Variants in TRABD2B observed in about 807,000 individuals in gnomAD.
TRABD2B encodes TraB domain containing 2B, also known as metalloprotease TIKI2.
In TRABD2B, 14 loss-of-function variants were observed where a neutral mutation model predicts 40.1. The ratio of observed to expected loss-of-function variants is 0.35; its 90% CI spans 0.23 to 0.55. The LOEUF (loss-of-function observed/expected upper bound fraction) is 0.55, where lower values mean the gene tolerates loss of function less well. TRABD2B is among the 20% of genes least tolerant of loss of function. The pLI is 0.90. For synonymous variants in TRABD2B, 263 were observed against 277.0 expected, an observed-to-expected ratio of 0.95 and a Z score of 0.50; for missense variants, 541 against 648.6, an observed-to-expected ratio of 0.83 and a Z score of 1.80.
intron 2 of TRABD2B, among the ~76,000 whole-genome samples, chr1:47,921,764 G>A (rs773009442): frequency 1.3e-5 from 2 of 152,166 alleles, no homozygotes; most frequent in Non-Finnish European, 2.9e-5. Context: ...GCAATGCCAG[G>A]AGACTCTGGC....
intron 2 of TRABD2B, among the ~76,000 whole-genome samples, chr1:47,856,052 G>A (rs1052664791): frequency 2.6e-5 from 4 of 152,194 alleles, no homozygotes; most frequent in African/African-American, 9.7e-5. Context: ...GTGAGGAGAG[G>A]AGAAACCATT....
At chr1:47,834,261 C>A (rs1358324027) in intron 2 of TRABD2B, among the ~76,000 whole-genome samples, 1 of 152,224 alleles carries the variant, frequency 6.6e-6, no homozygotes, top group Non-Finnish European at 1.5e-5. Flanking sequence ...TTGAACATCA[C>A]AGCAGCCTGA....
At chr1:47,805,042 T>C (rs1416225258) in intron 2 of TRABD2B, among the ~76,000 whole-genome samples, 1 of 152,182 alleles carries the variant, frequency 6.6e-6, no homozygotes, top group African/African-American at 2.4e-5. Flanking sequence ...GATCTCATCC[T>C]GTGGCCTCCT....
At chr1:47,965,203 G>GGGAGGGGGGGGGC (rs1645581787) in intron 2 of TRABD2B, among the ~76,000 whole-genome samples, 1 of 102,830 alleles carries the variant, frequency 9.7e-6, no homozygotes, top group African/African-American at 3.9e-5. Context: ...GCGGGGGGCG[G>GGGAGGGGGGGGGC]GGGGGGGTGG....
At position 47,996,911 on chromosome 1, in the gene TRABD2B, G is replaced by C; in HGVS notation, c.-122C>G. On this transcript the variant is annotated 5_prime_UTR_variant, in exon 1 of 7. Transcript: ENST00000606738. The surrounding 1 kb of genome is among the most constrained non-coding windows in gnomAD (Gnocchi z 4.6). ...CGGGGCTCCAGCCGCAGGATGCTGGGCGCCCTCTGGGGCGTGGCTGACTGT... is the reference window on the plus strand; with the variant it reads ...CGGGGCTCCAGCCGCAGGATGCTGGCCGCCCTCTGGGGCGTGGCTGACTGT... 6.2e-6 allele frequency: 7 copies of C among 1,124,564 alleles called. No homozygotes were observed. The highest frequency in any genetic ancestry group is 7.6e-6 in the Non-Finnish European group (7 of 920,158). 69.7% of individuals were successfully genotyped at this position (1,124,564 alleles called of 1,614,324 possible).
intron 2 of TRABD2B, among the ~76,000 whole-genome samples, chr1:47,919,632 G>A (rs1405819712): frequency 1.3e-5 from 2 of 152,244 alleles, no homozygotes; most frequent in African/African-American, 4.8e-5. Context: ...TAGACAGTTT[G>A]TGAGGACCAT....
intron 2 of TRABD2B, among the ~76,000 whole-genome samples, chr1:47,858,118 C>G (rs1283751924): frequency 6.6e-6 from 1 of 152,118 alleles, no homozygotes; most frequent in Non-Finnish European, 1.5e-5. Context: ...TTGGAAGAAA[C>G]AGCATATACA....
chr1:47,863,369 A>AT (rs1294944726), intron 2 of TRABD2B, among the ~76,000 whole-genome samples: 1 of 30,442 alleles, frequency 3.3e-5, no homozygotes, highest in East Asian at 2.9e-3. Context: ...ATCCTATATA[A>AT]TTTTATATAT....
intron 2 of TRABD2B, among the ~76,000 whole-genome samples, chr1:47,944,115 G>A (rs981754968): frequency 6.6e-6 from 1 of 152,184 alleles, no homozygotes; most frequent in Non-Finnish European, 1.5e-5. Context: ...GCTACCTGGG[G>A]AATAAAGGAT....
intron 2 of TRABD2B, among the ~76,000 whole-genome samples, chr1:47,823,149 G>A (rs1645132928): frequency 6.6e-6 from 1 of 152,256 alleles, no homozygotes; most frequent in African/African-American, 2.4e-5. Context: ...GACGCCACAG[G>A]TTCTTGCCTG....
At chr1:47,937,743 T>C (rs1378955349) in intron 2 of TRABD2B, among the ~76,000 whole-genome samples, 2 of 152,138 alleles carry the variant, frequency 1.3e-5, no homozygotes, top group Non-Finnish European at 2.9e-5. Flanking sequence ...TAAGTGAAGG[T>C]ATTGTCTCTT....
chr1:47,940,436 T>C (rs990588945), intron 2 of TRABD2B, among the ~76,000 whole-genome samples: 1 of 152,196 alleles, frequency 6.6e-6, no homozygotes, highest in Non-Finnish European at 1.5e-5. Flanking sequence ...TATATAATAC[T>C]TGAGAAAACT....
At chr1:47,886,281 C>A (rs535457807) in intron 2 of TRABD2B, among the ~76,000 whole-genome samples, 1 of 152,304 alleles carries the variant, frequency 6.6e-6, no homozygotes, top group African/African-American at 2.4e-5. Context: ...TTGGTCTCGG[C>A]CACTATGCAG....
intron 6 of TRABD2B, 136 bp downstream of exon 6, chr1:47,775,033 CT>C: frequency 1.3e-6 from 1 of 765,008 alleles, no homozygotes; most frequent in Non-Finnish European, 1.8e-6. Context: ...TGGGAACGTG[CT>C]GTAGAAAGCC....
At chr1:47,814,808 G>A (rs1431643008) in intron 2 of TRABD2B, among the ~76,000 whole-genome samples, 4 of 152,228 alleles carry the variant, frequency 2.6e-5, no homozygotes, top group Non-Finnish European at 4.4e-5. Flanking sequence ...GGAGACAGCT[G>A]CGCAGAACTT....
At position 47,994,918 on chromosome 1, in the gene TRABD2B, C is replaced by T. The variant is rs1264142284; in HGVS notation, c.103-321G>A. ...ATATATGTATATTAAGCCCTCAGAG[C>T]AGTGCCAGGTACAGAGGAAGTCAGC... On this transcript the variant is annotated intron_variant, in intron 1 of 6. Coordinates refer to ENST00000606738, the MANE Select transcript of TRABD2B (RefSeq NM_001194986.2). The surrounding 1 kb of genome is among the most constrained non-coding windows in gnomAD (Gnocchi z 6.7). 6.6e-6 allele frequency among the ~76,000 whole-genome samples: 1 copy of T among 152,156 alleles called. No individual in the cohort carries two copies. The highest frequency in any genetic ancestry group is 1.5e-5 in the Non-Finnish European group (1 of 68,028).
chr1:47,775,122 C>T (rs996826358), intron 6 of TRABD2B, 48 bp downstream of exon 6: 153 of 1,232,298 alleles, frequency 1.2e-4, no homozygotes, highest in East Asian at 1.0e-3. Flanking sequence ...TATACTATCC[C>T]GGGTGCAGAC....
At chr1:47,886,363 C>G (rs995409373) in intron 2 of TRABD2B, among the ~76,000 whole-genome samples, 5 of 152,208 alleles carry the variant, frequency 3.3e-5, no homozygotes, top group African/African-American at 4.8e-5. Context: ...TCGGCTCGGG[C>G]TCCCGTGGGG....
chr1:47,798,921 G>C (rs1242267768), intron 3 of TRABD2B, among the ~76,000 whole-genome samples: 2 of 152,166 alleles, frequency 1.3e-5, no homozygotes, highest in Admixed American at 6.5e-5. Flanking sequence ...GCACCTTGGG[G>C]TAGGGTTGCC....
Sources: gnomAD v4.1 joint callset for allele counts (sites outside exome capture counted in the v4.1 genomes callset) on GRCh38, gnomAD v4.1.1 for gene constraint, Gnocchi (gnomAD v3.1) non-coding constraint, MANE v1.5 for transcripts, NCBI Gene and HGNC (gene_info 2026-07-23, HGNC 2026-07-21) for gene names.